The following ZNF592 variants were observed in gnomAD, a reference collection of about 807,000 sequenced individuals.
The protein encoded by ZNF592 is zinc finger protein 592.
A neutral mutation model predicts 80.3 loss-of-function variants in ZNF592; 11 were observed. The ratio of observed to expected loss-of-function variants is 0.14; its 90% CI spans 0.09 to 0.23. The LOEUF (loss-of-function observed/expected upper bound fraction) is 0.23. Ranked by LOEUF, ZNF592 falls within the 10% of genes least tolerant of loss-of-function variation. The pLI is 1.00. For synonymous variants in ZNF592, 646 were observed against 640.3 expected (o/e 1.01, Z -0.13); for missense variants, 1,420 against 1,633.9 (o/e 0.87, Z 2.26).
In ZNF592 at chr15:84,802,256, G is replaced by C. The variant is rs192454943; in HGVS notation, c.3667G>C (p.Gly1223Arg). 1 of 1,605,986 alleles carries C rather than the reference G, an allele frequency of 6.2e-7. No homozygotes were observed. The highest frequency in any genetic ancestry group is 8.5e-7 in the Non-Finnish European group (1 of 1,174,396). ...AGAGAATGGACTGGAAGAATGTGCCGGTGAGCCTTTGTCAGCTGACCCAGA... is the reference window on the plus strand; with the variant it reads ...AGAGAATGGACTGGAAGAATGTGCCCGTGAGCCTTTGTCAGCTGACCCAGA... ...TRENGLEECAGEPLSADPEAR... is the reference protein window; with the variant it reads ...TRENGLEECAREPLSADPEAR... The change falls in exon 11 of 11, where the codon GGT (glycine) becomes CGT (arginine). Residue 1223 changes from glycine to arginine, a missense_variant. Physicochemically the swap from Gly to Arg is moderately radical, Grantham distance 125 (BLOSUM62 -2). This residue lies in a region of ZNF592 where 145 missense variants were observed against 211.9 expected (regional missense o/e 0.68). Coordinates refer to ENST00000560079, the MANE Select transcript of ZNF592 (RefSeq NM_014630.3).
chr15:84,798,357 G>A lies in ZNF592; in HGVS notation c.2619G>A (p.Lys873=), dbSNP rs768084835. The A allele has an allele frequency of 6.2e-7, 1 of 1,614,236 alleles. No individual in the cohort carries two copies. Among genetic ancestry groups the A allele is most frequent in the Non-Finnish European group, 8.5e-7 (1 of 1,180,044 alleles). ...KCSCEMVFNK[K]RHIQQHFYQN... ...CCTGTGAAATGGTCTTCAACAAGAA[G>A]AGGCACATTCAGCAGCATTTTTACC... The change falls in exon 7 of 11, where the codon AAG becomes AAA. Residue 873 remains lysine, a synonymous_variant. Transcript: ENST00000560079. This position sits in a 1 kb window ranked among gnomAD's most constrained non-coding sequence, Gnocchi z 4.5.
At position 84,805,801 on chromosome 15, in the gene ZNF592, G is replaced by A. The variant is rs969406067; in HGVS notation, c.*3408G>A. On this transcript the variant is annotated 3_prime_UTR_variant, in exon 11 of 11. Coordinates refer to ENST00000560079, the MANE Select transcript of ZNF592 (RefSeq NM_014630.3). ...GGTAAGACATTCCACAATACAAAAGGGTATACAATAAATGGTAAGCTTCCC... is the reference window on the plus strand; with the variant it reads ...GGTAAGACATTCCACAATACAAAAGAGTATACAATAAATGGTAAGCTTCCC... 20 of 152,458 alleles carry A rather than the reference G, an allele frequency of 1.3e-4. 1 individual carries two copies. The highest frequency in any genetic ancestry group is 1.2e-3 in the Admixed American group (19 of 15,250). The allele number at this position is 152,458 out of a possible 1,614,324, so 9.4% of individuals were successfully genotyped here. A position where few individuals can be genotyped will look rare whatever the true frequency, so the allele number is the denominator to read the frequency against.
chr15:84,800,714 G>A (rs1442728083), intron 10 of ZNF592, among the ~76,000 whole-genome samples: 3 of 152,216 alleles, frequency 2.0e-5, no homozygotes, highest in Non-Finnish European at 2.9e-5. Flanking sequence ...ATTGTAAAAT[G>A]TACATCCTCC....
chr15:84,751,122 T>G (rs1466664208), intron 1 of ZNF592, among the ~76,000 whole-genome samples: 1 of 152,212 alleles, frequency 6.6e-6, no homozygotes, highest in Non-Finnish European at 1.5e-5. Flanking sequence ...TCTGTGAGTC[T>G]GCTTCATCCA....
intron 1 of ZNF592, among the ~76,000 whole-genome samples, chr15:84,753,822 G>C (rs1899084043): frequency 6.6e-6 from 1 of 152,162 alleles, no homozygotes; most frequent in Non-Finnish European, 1.5e-5. Flanking sequence ...TTAAAAAATA[G>C]GAACATCCTG....
intron 4 of ZNF592, among the ~76,000 whole-genome samples, chr15:84,786,804 C>T (rs1176323930): frequency 6.7e-6 from 1 of 148,728 alleles, no homozygotes; most frequent in Non-Finnish European, 1.5e-5. Flanking sequence ...GGTCTGATGC[C>T]TGGGCCTGGG....
intron 3 of ZNF592, among the ~76,000 whole-genome samples, chr15:84,781,389 TA>T (rs1254629846): frequency 4.0e-5 from 6 of 151,474 alleles, no homozygotes; most frequent in Non-Finnish European, 8.8e-5. Context: ...GTCTATCAAG[TA>T]TTTTTTTTTT....
intron 1 of ZNF592, chr15:84,753,492 A>T (rs1899071929): frequency 6.6e-6 from 1 of 152,162 alleles, no homozygotes; most frequent in Admixed American, 6.5e-5. Flanking sequence ...TTTATTTTTG[A>T]GATGGAGTCT....
rs577655416 is a variant in ZNF592 at position 84,785,000 on chromosome 15, C to T, written c.2220+105C>T. On this transcript the variant is annotated intron_variant, in intron 4 of 10. Coordinates refer to ENST00000560079, the MANE Select transcript of ZNF592 (RefSeq NM_014630.3). The surrounding 1 kb of genome is among the most constrained non-coding windows in gnomAD (Gnocchi z 5.8). Reference sequence around the variant, plus strand: ...ATTGATATGGGGGCAGTGGTGGAATCTTATGAGTCTTAGAAGAGGATGTCT... The same window carrying T: ...ATTGATATGGGGGCAGTGGTGGAATTTTATGAGTCTTAGAAGAGGATGTCT... 8 of 1,284,138 alleles carry T rather than the reference C, an allele frequency of 6.2e-6. No homozygotes were observed. The highest frequency in any genetic ancestry group is 7.9e-6 in the Non-Finnish European group (7 of 888,108). The allele number at this position is 1,284,138 out of a possible 1,614,324, so 79.5% of individuals were successfully genotyped here. A position where few individuals can be genotyped will look rare whatever the true frequency, so the allele number is the denominator to read the frequency against.
chr15:84,767,099 A>G (rs1168019947), intron 2 of ZNF592, among the ~76,000 whole-genome samples: 1 of 152,082 alleles, frequency 6.6e-6, no homozygotes, highest in Non-Finnish European at 1.5e-5. Context: ...GGCTCAAGTG[A>G]TTCTTCTGCC....
At chr15:84,769,685 A>G (rs2141972852) in intron 2 of ZNF592, among the ~76,000 whole-genome samples, 1 of 152,062 alleles carries the variant, frequency 6.6e-6, no homozygotes, top group Admixed American at 6.6e-5. Context: ...ATGGGATTTC[A>G]CTCTGAGGGA....
chr15:84,789,733 G>A (rs1321415495), intron 4 of ZNF592, among the ~76,000 whole-genome samples: 1 of 152,130 alleles, frequency 6.6e-6, no homozygotes. Context: ...TAATGCTCAT[G>A]TTATCCTATC....
Position 84,783,667 on chromosome 15 carries a change from G to A in ZNF592, c.992G>A (p.Ser331Asn). 1 of 1,614,198 alleles carries A rather than the reference G, an allele frequency of 6.2e-7. No individual in the cohort carries two copies. The highest frequency in any genetic ancestry group is 2.2e-5 in the East Asian group (1 of 44,878). Residue 331 changes from serine (S) to asparagine (N), a missense_variant, in exon 4 of 11, where the codon AGT becomes AAT. By Grantham distance (46) the Ser-to-Asn change is conservative. Transcript: ENST00000560079. This position sits in a 1 kb window ranked among gnomAD's most constrained non-coding sequence, Gnocchi z 5.0. The part of the protein sequence containing the change: ...GSPKMPKSPK[S>N]PRSPLEATRK... ...CCCAAAATGCCCAAGTCACCAAAGA[G>A]TCCCCGGAGCCCTCTGGAGGCCACT...
chr15:84,759,966 C>CCT (rs1491529660), intron 1 of ZNF592, among the ~76,000 whole-genome samples: 1 of 71,832 alleles, frequency 1.4e-5, no homozygotes, highest in African/African-American at 8.9e-5. Context: ...CCCCCCCCCC[C>CCT]ACCCTGCCAT....
At chr15:84,757,856 T>G (rs1899223859) in intron 1 of ZNF592, among the ~76,000 whole-genome samples, 1 of 150,938 alleles carries the variant, frequency 6.6e-6, no homozygotes, top group Admixed American at 6.6e-5. Flanking sequence ...GAGATGGGGT[T>G]GCACCATGTT....
chr15:84,786,814 G>A (rs1469771932), intron 4 of ZNF592, among the ~76,000 whole-genome samples: 1 of 147,008 alleles, frequency 6.8e-6, no homozygotes, highest in Non-Finnish European at 1.5e-5. Flanking sequence ...CTGGGCCTGG[G>A]ATTTTTTCAC....
At chr15:84,775,161 T>C (rs1326462300) in intron 2 of ZNF592, among the ~76,000 whole-genome samples, 2 of 151,938 alleles carry the variant, frequency 1.3e-5, no homozygotes, top group Non-Finnish European at 2.9e-5. Context: ...AGTGGTGCAA[T>C]CTTGGCTCAC....
intron 4 of ZNF592, among the ~76,000 whole-genome samples, chr15:84,788,761 G>C (rs1962656923): frequency 1.3e-5 from 2 of 152,078 alleles, no homozygotes; most frequent in Non-Finnish European, 2.9e-5. Flanking sequence ...CTCCTCCCAA[G>C]CCCTGGCAAC....
At chr15:84,790,304 C>T (rs1045143172) in intron 4 of ZNF592, among the ~76,000 whole-genome samples, 9 of 152,134 alleles carry the variant, frequency 5.9e-5, no homozygotes, top group African/African-American at 2.2e-4. Flanking sequence ...GGGTAGATGG[C>T]AAGAACTGCC....
Sources: gnomAD v4.1 joint callset for allele counts (sites outside exome capture counted in the v4.1 genomes callset) on GRCh38, gnomAD v4.1.1 for gene constraint, gnomAD v4.1.1 regional missense constraint, Gnocchi (gnomAD v3.1) non-coding constraint, MANE v1.5 for transcripts, NCBI Gene and HGNC (gene_info 2026-07-23, HGNC 2026-07-21) for gene names.